RASAL2: variants seen among roughly 807,000 people sequenced by gnomAD.
RASAL2 encodes the protein RAS protein activator like 2.
In RASAL2, 58 loss-of-function variants were observed where a neutral mutation model predicts 128.9. The observed-to-expected ratio is 0.45, with a 90% confidence interval of 0.36 to 0.56. The LOEUF is 0.56. Among genes scored for constraint, RASAL2 ranks in the 20% least tolerant of loss-of-function variants. The pLI, the probability that RASAL2 is intolerant of heterozygous loss-of-function variation, is 0.00. For missense variants in RASAL2, 1,360 were observed against 1,601.6 expected, an observed-to-expected ratio of 0.85 and a Z score of 2.57; for synonymous variants, 561 against 580.8, an observed-to-expected ratio of 0.97 and a Z score of 0.49.
At chr1:178,116,294 G>A (rs1046090362) in intron 1 of RASAL2, among the ~76,000 whole-genome samples, 1 of 152,092 alleles carries the variant, frequency 6.6e-6, no homozygotes, top group Non-Finnish European at 1.5e-5. Context: ...ACTGCTCATT[G>A]AAAGGGAGCG....
rs548220703 is a variant in RASAL2, at chr1:178,320,394, C to T, written c.457+20276C>T. ...AATGGTGGGCACCCTCCCCCAGCCT[C>T]GCTGCCGCCTTGCAGTTTGATCTCA... On this transcript the variant is annotated intron_variant, in intron 3 of 17. Transcript: ENST00000367649. 1.2e-4 allele frequency among the ~76,000 whole-genome samples: 18 copies of T among 152,216 alleles called. 1 individual carries two copies. Among genetic ancestry groups the T allele is most frequent in the Non-Finnish European group, 1.9e-4 (13 of 68,044 alleles).
chr1:178,398,983 A>C (rs1572002388), intron 4 of RASAL2, among the ~76,000 whole-genome samples: 1 of 152,330 alleles, frequency 6.6e-6, no homozygotes, highest in South Asian at 2.1e-4. Context: ...GGCTCAATGC[A>C]TGAAGTTCAA....
chr1:178,350,296 C>A (rs1670393685), intron 3 of RASAL2, among the ~76,000 whole-genome samples: 1 of 152,198 alleles, frequency 6.6e-6, no homozygotes, highest in African/African-American at 2.4e-5. Flanking sequence ...TCATGGCTCA[C>A]TGCAGCCTCA....
intron 4 of RASAL2, among the ~76,000 whole-genome samples, chr1:178,399,347 T>C (rs943896065): frequency 7.0e-6 from 1 of 143,740 alleles, no homozygotes. Context: ...TACAGGTAGA[T>C]AGAAACCACA....
chr1:178,246,744 A>G (rs1664783179), intron 1 of RASAL2, among the ~76,000 whole-genome samples: 1 of 152,146 alleles, frequency 6.6e-6, no homozygotes, highest in African/African-American at 2.4e-5. Flanking sequence ...ATGTTCCATC[A>G]ATACCTAGTT....
intron 3 of RASAL2, among the ~76,000 whole-genome samples, chr1:178,323,346 CTCTT>C (rs1433330318): frequency 1.3e-5 from 2 of 152,270 alleles, no homozygotes; most frequent in East Asian, 1.9e-4. Context: ...ACTAGAGAAA[CTCTT>C]TCTTGACTTT....
In RASAL2 at chr1:178,194,158, C is replaced by A. The variant is rs1421261672; in HGVS notation, c.203-89406C>A. Among the ~76,000 whole-genome samples the A allele has an allele frequency of 2.0e-5, 3 of 152,190 alleles. No homozygotes were observed. In the East Asian group the frequency reaches 5.8e-4, roughly 29 times the overall value. On this transcript the variant is annotated intron_variant, in intron 1 of 17. Coordinates refer to ENST00000367649, the MANE Select transcript of RASAL2 (RefSeq NM_170692.4). ...ATCACCCATCCCTTCTGTATATTAG[C>A]AACTTATCACTCCTGAGCAACATCT...
chr1:178,327,305 G>A (rs896344045), intron 3 of RASAL2, among the ~76,000 whole-genome samples: 10 of 151,504 alleles, frequency 6.6e-5, no homozygotes, highest in Admixed American at 3.9e-4. Context: ...AATTTACCAG[G>A]GAGAATATAA....
chr1:178,399,917 C>G (rs1673504523), intron 4 of RASAL2, among the ~76,000 whole-genome samples: 1 of 152,210 alleles, frequency 6.6e-6, no homozygotes, highest in Non-Finnish European at 1.5e-5. Flanking sequence ...TCCATCATTA[C>G]TTGGGCCTCC....
intron 4 of RASAL2, among the ~76,000 whole-genome samples, chr1:178,407,473 A>C (rs995474537): frequency 8.5e-5 from 13 of 152,360 alleles, no homozygotes; most frequent in African/African-American, 2.9e-4. Context: ...TAAAACAAAT[A>C]TGTAAAATAC....
chr1:178,227,544 TG>T (rs1301907355), intron 1 of RASAL2, among the ~76,000 whole-genome samples: 1 of 152,208 alleles, frequency 6.6e-6, no homozygotes, highest in African/African-American at 2.4e-5. Flanking sequence ...TTCCTGATAA[TG>T]GGAAGTTCCA....
chr1:178,428,896 A>G (rs562495421), intron 5 of RASAL2, among the ~76,000 whole-genome samples: 6 of 152,156 alleles, frequency 3.9e-5, no homozygotes, highest in African/African-American at 1.4e-4. Context: ...CCTGTAGCCT[A>G]CTCACCATGT....
At chr1:178,153,134 G>T (rs1011577605) in intron 1 of RASAL2, among the ~76,000 whole-genome samples, 1 of 152,022 alleles carries the variant, frequency 6.6e-6, no homozygotes, top group African/African-American at 2.4e-5. Flanking sequence ...TTTTGTCAAA[G>T]AAACAGGGTT....
intron 1 of RASAL2, among the ~76,000 whole-genome samples, chr1:178,132,743 T>C (rs980481359): frequency 6.6e-6 from 1 of 151,976 alleles, no homozygotes; most frequent in Non-Finnish European, 1.5e-5. Context: ...TTTGTTGTTT[T>C]GATTCACCTT....
chr1:178,136,766 A>G lies in RASAL2; in HGVS notation c.202+42072A>G, dbSNP rs1474087657. On this transcript the variant is annotated intron_variant, in intron 1 of 17. Coordinates refer to ENST00000367649, the MANE Select transcript of RASAL2 (RefSeq NM_170692.4). ...AGTGAGACTCTGTCTCAAAAAAAAA[A>G]AAAAAAAAAAAAAAAAAAAAGATGA... Among the ~76,000 whole-genome samples the G allele has an allele frequency of 2.0e-5, 3 of 146,764 alleles. No homozygotes were observed. The East Asian group carries it at 5.8e-4, about 29-fold the overall frequency.
chr1:178,226,940 AAAAC>A (rs751004957), intron 1 of RASAL2, among the ~76,000 whole-genome samples: 6 of 152,194 alleles, frequency 3.9e-5, no homozygotes, highest in South Asian at 2.1e-4. Flanking sequence ...ACTGTCTCAG[AAAAC>A]AAACAGACAA....
intron 9 of RASAL2, among the ~76,000 whole-genome samples, chr1:178,450,022 C>A (rs1677268584): frequency 6.6e-6 from 1 of 152,012 alleles, no homozygotes; most frequent in African/African-American, 2.4e-5. Context: ...TTTAGGTACT[C>A]TTTAAATGAA....
At chr1:178,472,074 A>G (rs1399739301) in intron 17 of RASAL2, among the ~76,000 whole-genome samples, 1 of 152,204 alleles carries the variant, frequency 6.6e-6, no homozygotes, top group Non-Finnish European at 1.5e-5. Flanking sequence ...TATAGACTTC[A>G]TGTTAGAAAG....
Position 178,454,529 on chromosome 1 carries a change from G to A in RASAL2, c.2092G>A (p.Glu698Lys), listed in dbSNP as rs1280686082. The A allele has an allele frequency of 1.2e-6, 2 of 1,613,470 alleles. No homozygotes were observed. Among genetic ancestry groups the A allele is most frequent in the Admixed American group, 1.7e-5 (1 of 59,976 alleles). Residue 698 changes from glutamate to lysine, a missense_variant, in exon 12 of 18, where the codon GAG becomes AAG. Physicochemically the swap from Glu to Lys is moderately conservative, Grantham distance 56 (BLOSUM62 1). Around this residue, in one of 3 missense-constraint regions of RASAL2, gnomAD observed 741 missense variants for 868.6 expected, o/e 0.85. Coordinates refer to ENST00000367649, the MANE Select transcript of RASAL2 (RefSeq NM_170692.4). ...EWGGMKRFLL[E>K]ISNPDTISNT... ...GGGTGGAATGAAGCGCTTTCTTTTG[G>A]AGATCTCTAATCCAGACACCATCTC...
Sources: allele counts gnomAD v4.1 joint callset (sites outside exome capture counted in the v4.1 genomes callset), GRCh38; gene constraint gnomAD v4.1.1; regional missense constraint gnomAD v4.1.1; transcripts MANE v1.5; gene names NCBI Gene and HGNC (gene_info 2026-07-23, HGNC 2026-07-21).